NONO: variants seen among roughly 807,000 people sequenced by gnomAD.
NONO encodes non-POU domain containing octamer binding.
In NONO, 6 loss-of-function variants were observed where a neutral mutation model predicts 40.2. The observed-to-expected ratio is 0.15, with a 90% CI of 0.08 to 0.29. The LOEUF (loss-of-function observed/expected upper bound fraction) is 0.29. NONO is among the 10% of genes least tolerant of loss of function. The pLI is 1.00. For synonymous variants in NONO, 89 were observed against 123.3 expected, an observed-to-expected ratio of 0.72 and a Z score of 1.85; for missense variants, 133 against 397.8, an observed-to-expected ratio of 0.33 and a Z score of 5.66.
At chrX:71,290,487 A>G (rs780964285) in intron 2 of NONO, 142 bp from the exon 3 acceptor site, 1 of 454,162 alleles carries the variant, frequency 2.2e-6, no homozygotes, top group Non-Finnish European at 3.8e-6. Context: ...CTTCTTTGTC[A>G]TGGTTGTTCA....
intron 2 of NONO, among the ~76,000 whole-genome samples, chrX:71,290,406 G>T (rs992749215): frequency 1.8e-5 from 2 of 110,308 alleles, no homozygotes; most frequent in Non-Finnish European, 3.8e-5. Flanking sequence ...ACTATATTTT[G>T]TAACCTCCAG....
chrX:71,298,446 C>G, intron 9 of NONO, 23 bp from the exon 10 acceptor site: 1 of 1,200,455 alleles, frequency 8.3e-7, no homozygotes, highest in African/African-American at 1.7e-5. Context: ...CTTGGACTGT[C>G]TTGAGTATTT....
intron 2 of NONO, among the ~76,000 whole-genome samples, chrX:71,286,851 TAA>T (rs1217408868): frequency 8.9e-6 from 1 of 112,128 alleles, no homozygotes; most frequent in Non-Finnish European, 1.9e-5. Context: ...ATTTCCAAAT[TAA>T]AGACTATGAA....
At chrX:71,291,421 GTTTA>G (rs966293618) in intron 3 of NONO, among the ~76,000 whole-genome samples, 1 of 108,090 alleles carries the variant, frequency 9.3e-6, no homozygotes, top group African/African-American at 3.4e-5. Flanking sequence ...TTTTTTGTTT[GTTTA>G]TTCTCATCTG....
chrX:71,295,306 G>A (rs1205729586), intron 5 of NONO, among the ~76,000 whole-genome samples: 1 of 109,243 alleles, frequency 9.2e-6, no homozygotes, highest in African/African-American at 3.3e-5. Context: ...CTAACACGGT[G>A]AAACCCCGTC....
At chrX:71,296,690 G>T in intron 6 of NONO, 30 bp downstream of exon 6, 1 of 1,090,699 alleles carries the variant, frequency 9.2e-7, no homozygotes, top group East Asian at 3.0e-5. Context: ...TTCCCTATTA[G>T]GTGTTTCCTT....
chrX:71,287,017 C>T (rs1602383670), intron 2 of NONO, among the ~76,000 whole-genome samples: 1 of 112,245 alleles, frequency 8.9e-6, no homozygotes, highest in Non-Finnish European at 1.9e-5. Context: ...GTATACTCAT[C>T]ATCAAAATCA....
At chrX:71,297,294 T>G in intron 7 of NONO, 83 bp from the exon 8 acceptor site, 8 of 944,231 alleles carry the variant, frequency 8.5e-6, no homozygotes, top group Non-Finnish European at 1.2e-5. Context: ...AGATCCTCTT[T>G]GCTTTCTGGA....
intron 3 of NONO, among the ~76,000 whole-genome samples, chrX:71,291,443 G>A (rs777350312): frequency 7.3e-5 from 8 of 110,053 alleles, no homozygotes; most frequent in South Asian, 3.8e-4. Flanking sequence ...CTGAAGGTAC[G>A]TTTTGAATGT....
intron 5 of NONO, among the ~76,000 whole-genome samples, chrX:71,295,340 A>G (rs890180818): frequency 1.8e-5 from 2 of 108,556 alleles, no homozygotes; most frequent in Non-Finnish European, 3.8e-5. Context: ...ACAACAAATT[A>G]GCCGGGTGTG....
chrX:71,288,119 C>CTTTTTTT (rs41517053), intron 2 of NONO, among the ~76,000 whole-genome samples: 17 of 53,854 alleles, frequency 3.2e-4, no homozygotes, highest in Non-Finnish European at 3.8e-4. Context: ...TTATTTTTAT[C>CTTTTTTT]TTTTTTTTTT....
intron 2 of NONO, among the ~76,000 whole-genome samples, chrX:71,288,119 CTT>C (rs41517053): frequency 1.9e-5 from 1 of 53,854 alleles, no homozygotes; most frequent in African/African-American, 8.1e-5. Context: ...TTATTTTTAT[CTT>C]TTTTTTTTTT....
rs749334644 is a variant in NONO at position 71,297,404 on chromosome X, G to A, written c.971G>A (p.Arg324Gln). The A allele has an allele frequency of 1.7e-6, 2 of 1,183,809 alleles. No individual in the cohort carries two copies. Among genetic ancestry groups the A allele is most frequent in the Non-Finnish European group, 2.3e-6 (2 of 881,510 alleles). ...TTGATGAGGCGCCAAGAAGAACTTC[G>A]GAGGATGGAAGAGCTGCACAACCAA... ...QDLMRRQEEL[R>Q]RMEELHNQEV... The change falls in exon 8 of 12, where the codon CGG becomes CAG. Residue 324 changes from arginine (R) to glutamine (Q), a missense_variant. Coordinates refer to ENST00000276079, the MANE Select transcript of NONO (RefSeq NM_007363.5).
chrX:71,287,661 A>G (rs759751585), intron 2 of NONO, among the ~76,000 whole-genome samples: 10 of 110,164 alleles, frequency 9.1e-5, no homozygotes, highest in Non-Finnish European at 1.7e-4. Context: ...GATTACAGGC[A>G]TGAACCACTG....
chrX:71,298,534 C>CT (rs1175180680), intron 10 of NONO, 26 bp downstream of exon 10: 1 of 1,187,970 alleles, frequency 8.4e-7, no homozygotes, highest in Non-Finnish European at 1.1e-6. Context: ...GTTAATGGCT[C>CT]TGATTTCCTT....
chrX:71,289,113 A>G (rs1020104867), intron 2 of NONO, among the ~76,000 whole-genome samples: 2 of 111,522 alleles, frequency 1.8e-5, no homozygotes, highest in African/African-American at 6.5e-5. Flanking sequence ...CGAGTTTTTA[A>G]GAGTAGATTT....
chrX:71,293,978 C>G (rs2031382891), intron 4 of NONO: 1 of 380,283 alleles, frequency 2.6e-6, no homozygotes, highest in Non-Finnish European at 4.6e-6. Flanking sequence ...AGAATAATAC[C>G]TATGAAATTG....
chrX:71,287,398 G>C (rs1432455263), intron 2 of NONO, among the ~76,000 whole-genome samples: 1 of 110,534 alleles, frequency 9.0e-6, no homozygotes, highest in Non-Finnish European at 1.9e-5. Context: ...TTATTTTTGA[G>C]ACCAAGTCTC....
intron 2 of NONO, among the ~76,000 whole-genome samples, chrX:71,286,996 A>T (rs1472330848): frequency 2.7e-5 from 3 of 112,336 alleles, no homozygotes; most frequent in Non-Finnish European, 1.9e-5. Context: ...TATACACTTG[A>T]AAGTATTCCC....
Sources: allele counts gnomAD v4.1 joint callset (sites outside exome capture counted in the v4.1 genomes callset), GRCh38; gene constraint gnomAD v4.1.1; transcripts MANE v1.5; gene names NCBI Gene and HGNC (gene_info 2026-07-23, HGNC 2026-07-21).